SLC2A9: variants seen among roughly 807,000 people sequenced by gnomAD.
The protein encoded by SLC2A9 is solute carrier family 2 member 9, also known as solute carrier family 2, facilitated glucose transporter member 9.
A neutral mutation model predicts 50.6 loss-of-function variants in SLC2A9; 39 were observed. The ratio of observed to expected loss-of-function variants is 0.77; its 90% confidence interval spans 0.60 to 1.01. The LOEUF (loss-of-function observed/expected upper bound fraction) is 1.01, where lower values mean the gene tolerates loss of function less well. SLC2A9 is among the 50% of genes least tolerant of loss of function. The pLI is 0.00. For missense variants in SLC2A9, 686 were observed against 677.6 expected, an observed-to-expected ratio of 1.01 and a Z score of -0.14; for synonymous variants, 324 against 276.9, an observed-to-expected ratio of 1.17 and a Z score of -1.69.
At chr4:9,825,611 ATT>A, downstream of SLC2A9, among the ~76,000 whole-genome samples, 1 of 151,984 alleles carries the variant, frequency 6.6e-6, no homozygotes, top group South Asian at 2.1e-4. Flanking sequence ...ATGGAGGTCA[ATT>A]TTCAGTCCCT....
intron 3 of SLC2A9, among the ~76,000 whole-genome samples, chr4:9,820,457 G>C (rs144569572): frequency 0.012 from 1,868 of 152,270 alleles, 13 homozygotes; most frequent in Admixed American, 0.021. Flanking sequence ...TTTAGAATAA[G>C]CTTGTTAATT....
At chr4:9,772,386 T>C (rs1716936350) in intron 1 of SLC2A9, among the ~76,000 whole-genome samples, 1 of 152,218 alleles carries the variant, frequency 6.6e-6, no homozygotes, top group Non-Finnish European at 1.5e-5. Context: ...TCCTGCGACT[T>C]CCCTGTGGAC....
At chr4:9,792,168 T>C (rs1438711435) in intron 3 of SLC2A9, among the ~76,000 whole-genome samples, 27 of 139,066 alleles carry the variant, frequency 1.9e-4, no homozygotes, top group Non-Finnish European at 2.4e-4. Flanking sequence ...TGTTTCTTTT[T>C]TTTTTTTTTT....
intron 3 of SLC2A9, among the ~76,000 whole-genome samples, chr4:9,992,914 C>T (rs1195829696): frequency 6.6e-6 from 1 of 152,188 alleles, no homozygotes; most frequent in Admixed American, 6.5e-5. Context: ...TTTATCTGCA[C>T]TTTACAGATT....
At chr4:10,031,862 G>A (rs1218986084) in intron 1 of SLC2A9, among the ~76,000 whole-genome samples, 1 of 152,164 alleles carries the variant, frequency 6.6e-6, no homozygotes, top group East Asian at 1.9e-4. Flanking sequence ...ACTGTCCCCT[G>A]GGAATGCACT....
rs555931004 is a variant in SLC2A9 at position 9,771,293 on chromosome 4, G to A, written n.258C>T. 12 of 388,460 alleles carry A rather than the reference G, an allele frequency of 3.1e-5. No individual in the cohort carries two copies. The South Asian group carries it at 1.6e-3, about 51-fold the overall frequency. 24.1% of individuals were successfully genotyped at this position (388,460 alleles called of 1,614,324 possible). A position where few individuals can be genotyped will look rare whatever the true frequency, so the allele number is the denominator to read the frequency against. On this transcript the variant is annotated non_coding_transcript_exon_variant, in exon 2 of 2. Coordinates refer to the SLC2A9 transcript ENST00000508585. ...TATCTGGAGTGTGATGCAGGTCAAT[G>A]GGAGTTTCCTTCACCTGGTGACTCA...
intron 10 of SLC2A9, among the ~76,000 whole-genome samples, chr4:9,863,146 C>A (rs1172005782): frequency 3.3e-5 from 5 of 151,772 alleles, no homozygotes. Context: ...AGTATGTGTT[C>A]AAAAATTTTT....
chr4:10,033,988 G>A (rs1018259204), intron 1 of SLC2A9, among the ~76,000 whole-genome samples: 1 of 152,152 alleles, frequency 6.6e-6, no homozygotes, highest in Non-Finnish European at 1.5e-5. Flanking sequence ...TGTCCCCGGG[G>A]ATGTTTTTCT....
intron 3 of SLC2A9, among the ~76,000 whole-genome samples, chr4:9,786,465 T>C (rs572315384): frequency 2.0e-5 from 3 of 152,348 alleles, no homozygotes; most frequent in African/African-American, 7.2e-5. Context: ...CATTTATTAC[T>C]GAAATAGTTA....
rs748838061 is a variant in SLC2A9 at position 9,908,344 on chromosome 4, A to G, written c.1004T>C (p.Ile335Thr). The G allele has an allele frequency of 3.8e-6, 6 of 1,593,124 alleles. No individual in the cohort carries two copies. The East Asian group carries it at 1.3e-4, about 36-fold the overall frequency. Residue 335 changes from isoleucine to threonine, a missense_variant and splice_region_variant, in exon 8 of 12, where the codon ATT (isoleucine) becomes ACT (threonine). Physicochemically the swap from Ile to Thr is moderately conservative, Grantham distance 89. Transcript: ENST00000264784. ...ACYQLCGLNA[I>T]WFYTNSIFGK... ...AAAGATGCTGTTGGTATAGAACCAA[A>G]TCTGTAATTCAGGAAAGAATGAGCA...
chr4:9,834,770 A>C, intron 11 of SLC2A9, 111 bp downstream of exon 11: 1 of 1,517,226 alleles, frequency 6.6e-7, no homozygotes. Flanking sequence ...GGAAAATAGC[A>C]TGAGTTTCCA....
chr4:9,978,715 T>A (rs1755222211), intron 5 of SLC2A9, among the ~76,000 whole-genome samples: 1 of 152,212 alleles, frequency 6.6e-6, no homozygotes, highest in Non-Finnish European at 1.5e-5. Context: ...GTGAGTTGTT[T>A]CTGTTTTTGC....
chr4:10,027,086 T>A (rs989821362), intron 1 of SLC2A9, among the ~76,000 whole-genome samples: 1 of 151,714 alleles, frequency 6.6e-6, no homozygotes, highest in African/African-American at 2.4e-5. Context: ...AAAAGCGACA[T>A]CTTTTATGAT....
rs1180262515 is a variant in SLC2A9, at chr4:10,019,027, C to T, written c.197G>A (p.Gly66Asp). The change falls in exon 2 of 12, where the codon GGC becomes GAC. Residue 66 changes from glycine (G) to aspartate (D), a missense_variant. By Grantham distance (94) the Gly-to-Asp change is moderately conservative. Transcript: ENST00000264784. The part of the protein sequence containing the change: ...LLVASLAGAF[G>D]SSFLYGYNLS... ...GTTGTAGCCGTAGAGGAAGGAGGAGCCGAAGGCGCCCGCGAGGGAGGCCAC... is the reference window on the plus strand; with the variant it reads ...GTTGTAGCCGTAGAGGAAGGAGGAGTCGAAGGCGCCCGCGAGGGAGGCCAC... 1.9e-6 allele frequency: 3 copies of T among 1,550,730 alleles called. No individual in the cohort carries two copies. The highest frequency in any genetic ancestry group is 8.7e-7 in the Non-Finnish European group (1 of 1,146,948).
chr4:9,960,940 TTGAC>T (rs1452642524), intron 5 of SLC2A9, among the ~76,000 whole-genome samples: 2 of 152,208 alleles, frequency 1.3e-5, no homozygotes, highest in Non-Finnish European at 2.9e-5. Flanking sequence ...GATCTGTTGT[TTGAC>T]TGGATGGCTC....
At chr4:9,793,770 T>C (rs1720257161) in intron 3 of SLC2A9, among the ~76,000 whole-genome samples, 2 of 152,192 alleles carry the variant, frequency 1.3e-5, no homozygotes, top group East Asian at 3.8e-4. Context: ...GGAATGAAGA[T>C]TTAAAAAATG....
downstream of SLC2A9, among the ~76,000 whole-genome samples, chr4:9,798,508 GC>G (rs1720887545): frequency 6.9e-6 from 1 of 143,904 alleles, no homozygotes; most frequent in Admixed American, 6.9e-5. Flanking sequence ...CAACTTCCCC[GC>G]CTCACCCACC....
chr4:9,823,866 T>C (rs1724738920), downstream of SLC2A9, among the ~76,000 whole-genome samples: 1 of 152,198 alleles, frequency 6.6e-6, no homozygotes, highest in South Asian at 2.1e-4. Context: ...TCCAACTGGA[T>C]GAATAATAAG....
rs76069034 is a variant in SLC2A9, at chr4:9,814,344, G to A, written n.420+12076C>T. 1.5e-3 allele frequency among the ~76,000 whole-genome samples: 230 copies of A among 152,286 alleles called. 2 individuals carry two copies. The East Asian group carries it at 0.03, about 20-fold the overall frequency. Reference sequence around the variant, plus strand: ...AGCATAAAGTAAATGCTCAAAAAACGTCTGGTAGATGAATGAATTAACCAT... The same window carrying A: ...AGCATAAAGTAAATGCTCAAAAAACATCTGGTAGATGAATGAATTAACCAT... On this transcript the variant is annotated intron_variant and non_coding_transcript_variant, in intron 3 of 3. Coordinates refer to the SLC2A9 transcript ENST00000503280.
Sources: gnomAD v4.1 joint callset for allele counts (sites outside exome capture counted in the v4.1 genomes callset) on GRCh38, gnomAD v4.1.1 for gene constraint, MANE v1.5 for transcripts, NCBI Gene and HGNC (gene_info 2026-07-23, HGNC 2026-07-21) for gene names.